MILR1: variants seen among roughly 807,000 people sequenced by gnomAD.
MILR1 encodes the protein allergin-1.
Under a neutral mutation model 18.5 loss-of-function variants are expected in MILR1, and 31 were observed. That is an observed-to-expected ratio of 1.68 (90% CI 1.26 to 2.26). MILR1 has a LOEUF of 2.26. MILR1 is among the 30% of genes most tolerant of loss of function. The pLI is 0.00. For synonymous variants in MILR1, 85 were observed against 56.2 expected (o/e 1.51, Z -2.30); for missense variants, 257 against 157.4 (o/e 1.63, Z -3.38).
intron 5 of MILR1, among the ~76,000 whole-genome samples, chr17:64,464,383 TAC>T (rs1379901588): frequency 6.6e-6 from 1 of 151,632 alleles, no homozygotes; most frequent in Non-Finnish European, 1.5e-5. Context: ...GTGCTGGGAT[TAC>T]AGTTTTTTGT....
At chr17:64,453,404 C>A (rs1307239496) in intron 3 of MILR1, among the ~76,000 whole-genome samples, 3 of 152,156 alleles carry the variant, frequency 2.0e-5, no homozygotes, top group Middle Eastern at 3.4e-3. Flanking sequence ...TTCACCTTCT[C>A]TTTCAAAGAC....
chr17:64,497,355 A>T, the MILR1 span, among the ~76,000 whole-genome samples: 3 of 152,214 alleles, frequency 2.0e-5, no homozygotes, highest in Admixed American at 1.3e-4. Flanking sequence ...GTATTATCCA[A>T]ATCACCTTCT....
At chr17:64,477,310 G>A in the MILR1 span, among the ~76,000 whole-genome samples, 2 of 152,166 alleles carry the variant, frequency 1.3e-5, no homozygotes, top group Non-Finnish European at 2.9e-5. Context: ...ATTTAGTTCT[G>A]ACCAAAGAGA....
the MILR1 span, chr17:64,491,066 T>G: frequency 1.0e-6 from 1 of 977,742 alleles, no homozygotes; most frequent in Non-Finnish European, 1.6e-6. Context: ...CCGATACTTT[T>G]TATTCAGCAA....
At chr17:64,456,216 C>T (rs1297320624) in intron 3 of MILR1, among the ~76,000 whole-genome samples, 8 of 151,978 alleles carry the variant, frequency 5.3e-5, no homozygotes, top group South Asian at 4.1e-4. Flanking sequence ...ACAAGACTGT[C>T]GTGAAGGTCA....
chr17:64,483,504 A>T, the MILR1 span, among the ~76,000 whole-genome samples: 1 of 142,994 alleles, frequency 7.0e-6, no homozygotes, highest in Non-Finnish European at 1.5e-5. Context: ...ACAGAGTGAG[A>T]TCCTGTCTCA....
the MILR1 span, chr17:64,485,079 T>G: frequency 6.6e-6 from 1 of 152,292 alleles, no homozygotes; most frequent in African/African-American, 2.4e-5. Flanking sequence ...CTATCCTTTT[T>G]CTTCTTCCCT....
At chr17:64,480,811 G>T in the MILR1 span, among the ~76,000 whole-genome samples, 1 of 152,212 alleles carries the variant, frequency 6.6e-6, no homozygotes, top group South Asian at 2.1e-4. Flanking sequence ...AGGCAGAAGA[G>T]CCAGGAAAGA....
chr17:64,457,773 C>A, intron 4 of MILR1, 89 bp downstream of exon 4: 1 of 462,518 alleles, frequency 2.2e-6, no homozygotes, highest in Admixed American at 3.2e-5. Context: ...CCCACCATGG[C>A]CACCTGACCT....
intron 5 of MILR1, among the ~76,000 whole-genome samples, chr17:64,464,425 A>G (rs2144069374): frequency 6.6e-6 from 1 of 151,324 alleles, no homozygotes; most frequent in Non-Finnish European, 1.5e-5. Flanking sequence ...TTCTTTTTAG[A>G]GACAAGGTCT....
the MILR1 span, chr17:64,485,702 G>A: frequency 6.3e-7 from 1 of 1,585,834 alleles, no homozygotes; most frequent in Non-Finnish European, 8.7e-7. Context: ...AGTTTCCCAA[G>A]TCTATCTCTG....
chr17:64,476,297 TA>T, the MILR1 span, among the ~76,000 whole-genome samples: 2 of 152,152 alleles, frequency 1.3e-5, no homozygotes, highest in South Asian at 2.1e-4. Context: ...CATGTAGTGT[TA>T]TTTTTTTAAT....
chr17:64,491,147 G>C, the MILR1 span, among the ~76,000 whole-genome samples: 5 of 151,806 alleles, frequency 3.3e-5, no homozygotes, highest in Admixed American at 2.6e-4. Flanking sequence ...TTTTTGAGAT[G>C]TGTCTCATTC....
intron 3 of MILR1, among the ~76,000 whole-genome samples, chr17:64,453,571 C>T (rs1165305276): frequency 1.6e-5 from 2 of 122,950 alleles, no homozygotes; most frequent in African/African-American, 6.3e-5. Context: ...AAGCCTTGGG[C>T]CCCTTGGAGA....
the MILR1 span, among the ~76,000 whole-genome samples, chr17:64,490,090 A>C: frequency 2.0e-5 from 3 of 152,114 alleles, no homozygotes; most frequent in Non-Finnish European, 4.4e-5. Flanking sequence ...ACATCCAGCT[A>C]ATTTTTGTAT....
the MILR1 span, chr17:64,491,374 CACTTGAGCTTAGG>C: frequency 3.6e-6 from 2 of 555,204 alleles, no homozygotes; most frequent in South Asian, 4.0e-5. Flanking sequence ...GCAGGGGGAT[CACTTGAGCTTAGG>C]ACTTCGAGAC....
downstream of MILR1, among the ~76,000 whole-genome samples, chr17:64,473,079 G>A (rs546687901): frequency 1.4e-3 from 210 of 152,276 alleles, 1 homozygote; most frequent in African/African-American, 5.0e-3. Flanking sequence ...GCCGGGCGTG[G>A]TGGCTCACGC....
At chr17:64,466,686 G>A in intron 8 of MILR1, 24 bp downstream of exon 8, 8 of 1,582,478 alleles carry the variant, frequency 5.1e-6, no homozygotes, top group Non-Finnish European at 6.9e-6. Context: ...TGGGATAAGA[G>A]GTACTGGTGA....
the MILR1 span, chr17:64,496,523 G>A: frequency 6.2e-7 from 1 of 1,613,586 alleles, no homozygotes; most frequent in Non-Finnish European, 8.5e-7. Flanking sequence ...AGTTTCTGCA[G>A]AAACTAACCT....
Sources: gnomAD v4.1 joint callset for allele counts (sites outside exome capture counted in the v4.1 genomes callset) on GRCh38, gnomAD v4.1.1 for gene constraint, MANE v1.5 for transcripts, NCBI Gene and HGNC (gene_info 2026-07-23, HGNC 2026-07-21) for gene names.